The following UPB1 variants were observed in gnomAD, a reference collection of about 807,000 sequenced individuals.
The protein encoded by UPB1 is beta-ureidopropionase 1.
UPB1 carries 40 observed loss-of-function variants against 49.1 expected under a neutral mutation model. The observed-to-expected ratio is 0.81, with a 90% CI of 0.63 to 1.06. The LOEUF (loss-of-function observed/expected upper bound fraction) is 1.06. UPB1 is among the 50% of genes least tolerant of loss of function. The pLI, the probability that UPB1 is intolerant of heterozygous loss-of-function variation, is 0.00. For missense variants in UPB1, 499 were observed against 505.9 expected, an observed-to-expected ratio of 0.99 and a Z score of 0.13; for synonymous variants, 207 against 198.2, an observed-to-expected ratio of 1.04 and a Z score of -0.38.
In UPB1 at chr22:24,522,008, C is replaced by T; in HGVS notation, c.896C>T (p.Thr299Ile). 5 of 1,614,124 alleles carry T rather than the reference C, an allele frequency of 3.1e-6. No homozygotes were observed. Among genetic ancestry groups the T allele is most frequent in the Non-Finnish European group, 4.2e-6 (5 of 1,180,008 alleles). ...CAGGAGCACTTCCCGAACGAGTTTA[C>T]CTCGGGAGATGGAAAGAAAGGTATG... The part of the protein sequence containing the change: ...VGTEHFPNEF[T>I]SGDGKKAHQD... The change falls in exon 8 of 10, where the codon ACC becomes ATC. Residue 299 changes from threonine (T) to isoleucine (I), a missense_variant. Thr to Ile is a moderately conservative substitution (Grantham distance 89). Coordinates refer to ENST00000326010, the MANE Select transcript of UPB1 (RefSeq NM_016327.3).
chr22:24,524,772 A>G (rs996376755), intron 9 of UPB1, among the ~76,000 whole-genome samples: 1 of 152,220 alleles, frequency 6.6e-6, no homozygotes, highest in African/African-American at 2.4e-5. Flanking sequence ...TTATAGACAT[A>G]AGCCACTGTG....
At chr22:24,520,679 A>G (rs1016504418) in intron 7 of UPB1, among the ~76,000 whole-genome samples, 4 of 152,206 alleles carry the variant, frequency 2.6e-5, no homozygotes, top group African/African-American at 9.6e-5. Flanking sequence ...TTGACATGGC[A>G]GTTCTCACCC....
rs758008546 is a variant in UPB1, at chr22:24,495,411, G to A, written c.8G>A (p.Gly3Asp). Residue 3 changes from glycine to aspartate, a missense_variant, in exon 1 of 10, where the codon GGC (glycine) becomes GAC (aspartate). By Grantham distance (94) the Gly-to-Asp change is moderately conservative. Transcript: ENST00000326010. MAGAEWKSLEECL... is the reference protein window; with the variant it reads MADAEWKSLEECL... ...CACTGGCGGACCGTGGCCATGGCGG[G>A]CGCTGAGTGGAAGTCGCTGGAGGAA... 12 of 1,613,226 alleles carry A rather than the reference G, an allele frequency of 7.4e-6. No homozygotes were observed. In the South Asian group the frequency reaches 9.9e-5, roughly 13 times the overall value.
chr22:24,524,025 G>T (rs960084259), intron 9 of UPB1, among the ~76,000 whole-genome samples: 1 of 152,274 alleles, frequency 6.6e-6, no homozygotes, highest in Non-Finnish European at 1.5e-5. Context: ...GGTGCCTTCA[G>T]ACAAATTAAT....
intron 1 of UPB1, among the ~76,000 whole-genome samples, chr22:24,497,691 C>T (rs1036915729): frequency 5.3e-5 from 8 of 152,096 alleles, no homozygotes; most frequent in African/African-American, 1.9e-4. Flanking sequence ...AGCAGGAGGC[C>T]GTCTGTGAGG....
chr22:24,513,459 A>G lies in UPB1; in HGVS notation c.595A>G (p.Ile199Val), dbSNP rs757830395. Residue 199 changes from isoleucine to valine, a missense_variant, in exon 5 of 10, where the codon ATC becomes GTC. Coordinates refer to ENST00000326010, the MANE Select transcript of UPB1 (RefSeq NM_016327.3). ...AVLGKTRKNH[I>V]PRVGDFNEST... ...CCTGGGAAAGACCAGGAAAAACCAC[A>G]TCCCCAGAGTGGGTGATTTCAACGA... 5 of 1,614,046 alleles carry G rather than the reference A, an allele frequency of 3.1e-6. No homozygotes were observed. Among genetic ancestry groups the G allele is most frequent in the Non-Finnish European group, 4.2e-6 (5 of 1,180,032 alleles).
In UPB1 at chr22:24,495,457, G is replaced by T; in HGVS notation, c.54G>T (p.Pro18=). ...SLEECLEKHL[P]LPDLQEVKRV... ...AGGAATGCTTGGAGAAGCACCTGCC[G>T]CTCCCCGACTTGCAGGAAGTGAAGC... The change falls in exon 1 of 10, where the codon CCG becomes CCT. Residue 18 remains proline, a synonymous_variant. Transcript: ENST00000326010. The T allele has an allele frequency of 6.2e-7, 1 of 1,614,012 alleles. No individual in the cohort carries two copies. The highest frequency in any genetic ancestry group is 1.1e-5 in the South Asian group (1 of 91,082).
At chr22:24,525,266 C>G (rs1014625354) in intron 9 of UPB1, among the ~76,000 whole-genome samples, 1 of 152,114 alleles carries the variant, frequency 6.6e-6, no homozygotes, top group African/African-American at 2.4e-5. Context: ...CTTTCCAACT[C>G]CACCAGCCTC....
intron 3 of UPB1, chr22:24,502,749 G>A (rs142660729): frequency 1.8e-6 from 1 of 544,592 alleles, no homozygotes; most frequent in African/African-American, 1.9e-5. Context: ...TGTTAGTGTT[G>A]CTACTTCCTA....
Position 24,526,049 on chromosome 22 carries a change from G to T in UPB1, c.*255G>T. 2.0e-6 allele frequency: 1 copy of T among 503,342 alleles called. No individual in the cohort carries two copies. Among genetic ancestry groups the T allele is most frequent in the Non-Finnish European group, 3.6e-6 (1 of 276,736 alleles). 31.2% of individuals were successfully genotyped at this position (503,342 alleles called of 1,614,324 possible). ...AATGCCACTGAATTTGTATACTTCA[G>T]AATGTTTGTTATGTAAATTTTACCT... On this transcript the variant is annotated 3_prime_UTR_variant, in exon 10 of 10. Coordinates refer to ENST00000326010, the MANE Select transcript of UPB1 (RefSeq NM_016327.3).
At chr22:24,506,959 G>A (rs894843210) in intron 3 of UPB1, among the ~76,000 whole-genome samples, 2 of 152,064 alleles carry the variant, frequency 1.3e-5, no homozygotes, top group African/African-American at 4.8e-5. Context: ...GCCGCACCAG[G>A]TTCTAATTCA....
At position 24,513,497 on chromosome 22, in the gene UPB1, A is replaced by C. The variant is rs200291161; in HGVS notation, c.621+12A>C. 2.5e-6 allele frequency: 4 copies of C among 1,612,754 alleles called. No individual in the cohort carries two copies. The highest frequency in any genetic ancestry group is 3.4e-6 in the Non-Finnish European group (4 of 1,179,592). On this transcript the variant is annotated intron_variant, in intron 5 of 9. Coordinates refer to ENST00000326010, the MANE Select transcript of UPB1 (RefSeq NM_016327.3). ...GTGATTTCAACGAGGTGAGCCACCC[A>C]TAAGATAGATAACCAGCCCTGCTCA...
chr22:24,517,998 C>T (rs1485328542), intron 6 of UPB1, among the ~76,000 whole-genome samples: 6 of 152,296 alleles, frequency 3.9e-5, no homozygotes, highest in Middle Eastern at 3.4e-3. Context: ...AACCTCATCT[C>T]TACTAAAAAT....
At chr22:24,521,898 T>C (rs2044400160) in intron 7 of UPB1, 88 bp from the exon 8 acceptor site, 1 of 1,410,368 alleles carries the variant, frequency 7.1e-7, no homozygotes, top group East Asian at 2.3e-5. Flanking sequence ...CTCGGCCTGA[T>C]TGCCCTGCTC....
chr22:24,511,724 C>T (rs1361735506), intron 4 of UPB1, among the ~76,000 whole-genome samples: 2 of 151,266 alleles, frequency 1.3e-5, no homozygotes, highest in Non-Finnish European at 2.9e-5. Context: ...CGCCATTCTC[C>T]TGCCTCAGCC....
chr22:24,496,416 C>CACACACACACAT (rs2043887240), intron 1 of UPB1, among the ~76,000 whole-genome samples: 23 of 144,788 alleles, frequency 1.6e-4, no homozygotes, highest in African/African-American at 6.2e-4. Flanking sequence ...CACACACACA[C>CACACACACACAT]ACACACACAC....
intron 1 of UPB1, among the ~76,000 whole-genome samples, chr22:24,496,173 G>A (rs764753841): frequency 3.2e-4 from 48 of 152,210 alleles, no homozygotes; most frequent in Middle Eastern, 3.4e-3. Flanking sequence ...GTTCGAGACC[G>A]GCCTGGGCAA....
chr22:24,509,475 G>A (rs759663538), intron 3 of UPB1, among the ~76,000 whole-genome samples: 45 of 147,098 alleles, frequency 3.1e-4, no homozygotes, highest in Non-Finnish European at 4.3e-4. Flanking sequence ...ATGAGAATAA[G>A]AGCATTAATC....
chr22:24,515,894 T>A (rs2044285478), intron 6 of UPB1, among the ~76,000 whole-genome samples: 1 of 152,136 alleles, frequency 6.6e-6, no homozygotes, highest in Non-Finnish European at 1.5e-5. Flanking sequence ...GAGAATCACT[T>A]GAACTTGGGA....
Sources: gnomAD v4.1 joint callset for allele counts (sites outside exome capture counted in the v4.1 genomes callset) on GRCh38, gnomAD v4.1.1 for gene constraint, MANE v1.5 for transcripts, NCBI Gene and HGNC (gene_info 2026-07-23, HGNC 2026-07-21) for gene names.